TMEM132D: variants seen among roughly 807,000 people sequenced by gnomAD.
TMEM132D encodes the protein transmembrane protein 132D, also known as mature OL transmembrane protein.
In TMEM132D, 21 loss-of-function variants were observed where a neutral mutation model predicts 62.3. The observed-to-expected ratio is 0.34, with a 90% CI of 0.24 to 0.49. TMEM132D has a LOEUF of 0.49. Ranked by LOEUF, TMEM132D falls within the 20% of genes least tolerant of loss-of-function variation. TMEM132D has a pLI of 0.99. For synonymous variants in TMEM132D, 621 were observed against 575.6 expected, an observed-to-expected ratio of 1.08 and a Z score of -1.13; for missense variants, 1,346 against 1,402.8, an observed-to-expected ratio of 0.96 and a Z score of 0.65.
chr12:129,293,822 T>C (rs548185514), intron 4 of TMEM132D, among the ~76,000 whole-genome samples: 74 of 152,262 alleles, frequency 4.9e-4, no homozygotes, highest in East Asian at 3.9e-4. Context: ...CAGATGAAGC[T>C]TCGCTCGCTT....
At chr12:129,328,309 T>G (rs1431482046) in intron 4 of TMEM132D, among the ~76,000 whole-genome samples, 1 of 152,260 alleles carries the variant, frequency 6.6e-6, no homozygotes, top group Non-Finnish European at 1.5e-5. Context: ...CAAAGGCAAG[T>G]GCCCAGCACA....
chr12:129,832,143 T>C (rs564730264), intron 1 of TMEM132D, among the ~76,000 whole-genome samples: 1 of 146,256 alleles, frequency 6.8e-6, no homozygotes. Flanking sequence ...CGTCTCAGCC[T>C]CCCAAAGAGC....
chr12:129,077,037 C>G (rs1250970249), intron 8 of TMEM132D, among the ~76,000 whole-genome samples: 1 of 152,206 alleles, frequency 6.6e-6, no homozygotes, highest in African/African-American at 2.4e-5. Flanking sequence ...CAAGTGTTTT[C>G]TAACCCAAAA....
intron 4 of TMEM132D, among the ~76,000 whole-genome samples, chr12:129,312,201 G>A (rs2135636136): frequency 6.6e-6 from 1 of 152,284 alleles, no homozygotes. Flanking sequence ...TGGAGACAAA[G>A]CAGACAGCTG....
intron 1 of TMEM132D, among the ~76,000 whole-genome samples, chr12:129,740,952 A>C (rs1869587594): frequency 6.6e-6 from 1 of 152,202 alleles, no homozygotes; most frequent in Admixed American, 6.5e-5. Context: ...TTAAAGATGT[A>C]ATTTTAGCAT....
At chr12:129,226,809 CT>C (rs1478019046) in intron 4 of TMEM132D, among the ~76,000 whole-genome samples, 1 of 152,192 alleles carries the variant, frequency 6.6e-6, no homozygotes, top group African/African-American at 2.4e-5. Context: ...TCTTGCCCTG[CT>C]GTCTGGACTC....
At chr12:129,705,703 G>C (rs1308914799) in intron 1 of TMEM132D, among the ~76,000 whole-genome samples, 1 of 152,176 alleles carries the variant, frequency 6.6e-6, no homozygotes, top group African/African-American at 2.4e-5. Context: ...GGAAAATCAT[G>C]TTAAATGAGA....
intron 2 of TMEM132D, among the ~76,000 whole-genome samples, chr12:129,654,143 T>C (rs554491653): frequency 1.3e-5 from 2 of 152,292 alleles, no homozygotes; most frequent in East Asian, 3.9e-4. Flanking sequence ...ATGTGAAGTG[T>C]TATTTTCCTC....
intron 3 of TMEM132D, among the ~76,000 whole-genome samples, chr12:129,365,009 C>T (rs538082999): frequency 1.0e-3 from 158 of 152,356 alleles, no homozygotes; most frequent in Non-Finnish European, 1.8e-3. Flanking sequence ...GAATGTACAG[C>T]ATTTCCTTCT....
intron 2 of TMEM132D, among the ~76,000 whole-genome samples, chr12:129,641,150 G>A (rs546390185): frequency 2.7e-4 from 41 of 152,106 alleles, no homozygotes; most frequent in African/African-American, 8.0e-4. Flanking sequence ...ACCCTGCCCC[G>A]GTCCATGGAA....
At chr12:129,895,768 G>A (rs1875089521) in intron 1 of TMEM132D, among the ~76,000 whole-genome samples, 1 of 151,838 alleles carries the variant, frequency 6.6e-6, no homozygotes, top group East Asian at 1.9e-4. Flanking sequence ...CAGCTGAAAA[G>A]CCCACCAGCA....
chr12:129,106,462 C>G (rs116460079), intron 5 of TMEM132D, among the ~76,000 whole-genome samples: 3,223 of 151,664 alleles, frequency 0.021, 116 homozygotes, highest in African/African-American at 0.073. Context: ...CAATCCCTAT[C>G]AAAAAAAAGT....
chr12:129,700,351 G>A lies in TMEM132D; in HGVS notation c.427C>T (p.Pro143Ser), dbSNP rs1229002861. 2 of 1,614,052 alleles carry A rather than the reference G, an allele frequency of 1.2e-6. No homozygotes were observed. The highest frequency in any genetic ancestry group is 2.2e-5 in the South Asian group (2 of 91,088). ...ATGTGGAACAGAACCTGCACTTTGG[G>A]CCGGCTCAGGTAGACTTTGTCCCGC... is the stretch of plus-strand genomic sequence containing the variant. Reference protein sequence around the residue: ...ILRDKVYLSRPKVQVLFHIMG... With the variant: ...ILRDKVYLSRSKVQVLFHIMG... The change falls in exon 2 of 9, where the codon CCC becomes TCC. Residue 143 changes from proline (P) to serine (S), a missense_variant. Pro to Ser is a moderately conservative substitution (Grantham distance 74). Transcript: ENST00000422113.
chr12:129,578,025 A>G (rs2137124187), intron 2 of TMEM132D, among the ~76,000 whole-genome samples: 1 of 152,344 alleles, frequency 6.6e-6, no homozygotes, highest in East Asian at 1.9e-4. Flanking sequence ...AGAAAAAGGC[A>G]GACGAAGGGT....
chr12:129,175,323 A>G (rs1228883936), intron 5 of TMEM132D, among the ~76,000 whole-genome samples: 1 of 152,140 alleles, frequency 6.6e-6, no homozygotes, highest in Admixed American at 6.6e-5. Flanking sequence ...GATGTGGTAC[A>G]TTGCAGTAAA....
At chr12:129,576,964 AC>A in intron 2 of TMEM132D, among the ~76,000 whole-genome samples, 1 of 151,958 alleles carries the variant, frequency 6.6e-6, no homozygotes, top group African/African-American at 2.4e-5. Flanking sequence ...AATAGTGGCA[AC>A]CATGGCTGCA....
intron 2 of TMEM132D, among the ~76,000 whole-genome samples, chr12:129,689,559 A>G (rs1194295415): frequency 6.6e-6 from 1 of 152,086 alleles, no homozygotes; most frequent in East Asian, 1.9e-4. Context: ...CATTTCACAC[A>G]ACACTCCCTC....
intron 2 of TMEM132D, among the ~76,000 whole-genome samples, chr12:129,564,553 T>C (rs981686274): frequency 6.6e-6 from 1 of 152,190 alleles, no homozygotes; most frequent in Middle Eastern, 3.2e-3. Flanking sequence ...CTTCTTTCGT[T>C]AAAGCAATTC....
intron 3 of TMEM132D, among the ~76,000 whole-genome samples, chr12:129,348,933 A>T (rs1482193023): frequency 6.6e-6 from 1 of 152,136 alleles, no homozygotes; most frequent in Non-Finnish European, 1.5e-5. Context: ...TAAGAATAGT[A>T]ACTTCCTTCT....
Sources: allele counts gnomAD v4.1 joint callset (sites outside exome capture counted in the v4.1 genomes callset), GRCh38; gene constraint gnomAD v4.1.1; transcripts MANE v1.5; gene names NCBI Gene and HGNC (gene_info 2026-07-23, HGNC 2026-07-21).